REV3L: variants seen among roughly 807,000 people sequenced by gnomAD.
REV3L encodes the protein REV3 like, DNA directed polymerase zeta catalytic subunit.
A neutral mutation model predicts 299.4 loss-of-function variants in REV3L; 69 were observed. That is an observed-to-expected ratio of 0.23 (90% CI 0.19 to 0.28). The LOEUF is 0.28. Ranked by LOEUF, REV3L falls within the 10% of genes least tolerant of loss-of-function variation. The pLI is 1.00. For synonymous variants in REV3L, 1,238 were observed against 1,271.4 expected (o/e 0.97, Z 0.56); for missense variants, 3,128 against 3,693.8 (o/e 0.85, Z 3.97).
Position 111,416,339 on chromosome 6 carries a change from T to C in REV3L, c.273A>G (p.Leu91=). The change falls in exon 2 of 32, where the codon TTA becomes TTG. Residue 91 remains leucine, a synonymous_variant. Coordinates refer to ENST00000368802, the MANE Select transcript of REV3L (RefSeq NM_001372078.1). ...FSIDRALNVA[L]GNPSSTAQHV... ...GCTGAGCAGTGGAAGATGGATTGCC[T>C]AAAGCCACATTAAGTGCTCTGTCGA... 1 of 1,613,936 alleles carries C rather than the reference T, an allele frequency of 6.2e-7. No individual in the cohort carries two copies. Among genetic ancestry groups the C allele is most frequent in the Non-Finnish European group, 8.5e-7 (1 of 1,179,864 alleles).
Position 111,417,547 on chromosome 6 carries a change from C to G in REV3L, c.140-1075G>C, listed in dbSNP as rs527403075. Among the ~76,000 whole-genome samples the G allele has an allele frequency of 6.0e-4, 92 of 152,272 alleles. 1 individual carries two copies. Among genetic ancestry groups the G allele is most frequent in the Admixed American group, 4.5e-3 (69 of 15,292 alleles). On this transcript the variant is annotated intron_variant, in intron 1 of 31. Coordinates refer to ENST00000368802, the MANE Select transcript of REV3L (RefSeq NM_001372078.1). ...CTCAGGCTTCTTCCCCACCCCTTAT[C>G]CCTCCTCACTCTGCTTCACTGGGCC...
At chr6:111,453,881 G>C (rs1417591044) in intron 1 of REV3L, among the ~76,000 whole-genome samples, 1 of 152,140 alleles carries the variant, frequency 6.6e-6, no homozygotes, top group Non-Finnish European at 1.5e-5. Context: ...AGCTACCTGG[G>C]AGGCTGAGGC....
chr6:111,447,104 A>T (rs1392587871), intron 1 of REV3L, among the ~76,000 whole-genome samples: 1 of 152,168 alleles, frequency 6.6e-6, no homozygotes, highest in Non-Finnish European at 1.5e-5. Flanking sequence ...ACCATCCCAA[A>T]ATATATCAGT....
Position 111,374,748 on chromosome 6 carries a change from C to T in REV3L, c.3607G>A (p.Asp1203Asn), listed in dbSNP as rs72549220. Residue 1203 changes from aspartate (D) to asparagine (N), a missense_variant, in exon 13 of 32, where the codon GAT becomes AAT. Around this residue, in one of 9 missense-constraint regions of REV3L, gnomAD observed 2,409 missense variants for 2,611.8 expected, o/e 0.92. Transcript: ENST00000368802. ...KRNQTNKLVD[D>N]GKKKPRAKQK... The stretch of plus-strand genomic sequence containing the variant: ...TTTGCTCTTGGTTTCTTTTTTCCAT[C>T]ATCTACTAGTTTATTTGTCTGATTT... The T allele has an allele frequency of 1.9e-6, 3 of 1,612,492 alleles. No homozygotes were observed. The highest frequency in any genetic ancestry group is 4.5e-5 in the East Asian group (2 of 44,876).
chr6:111,409,085 T>C (rs777971101), intron 3 of REV3L, among the ~76,000 whole-genome samples: 15 of 152,364 alleles, frequency 9.8e-5, no homozygotes, highest in South Asian at 2.1e-4. Context: ...AAAAGAAACA[T>C]TGTTTTACAT....
chr6:111,314,166 C>CAGAA (rs2114738665), intron 27 of REV3L, among the ~76,000 whole-genome samples: 1 of 152,216 alleles, frequency 6.6e-6, no homozygotes, highest in Admixed American at 6.5e-5. Context: ...ATCTTTTATA[C>CAGAA]AGAAAGAAAG....
chr6:111,431,334 T>C, intron 1 of REV3L: 1 of 1,083,476 alleles, frequency 9.2e-7, no homozygotes, highest in Non-Finnish European at 1.4e-6. Flanking sequence ...ATTACAGAAG[T>C]AGAGCCACCA....
At chr6:111,455,792 A>G (rs1469303184) in intron 1 of REV3L, among the ~76,000 whole-genome samples, 1 of 152,240 alleles carries the variant, frequency 6.6e-6, no homozygotes, top group Non-Finnish European at 1.5e-5. Flanking sequence ...TGACAAAAAC[A>G]TATTAGGATA....
At position 111,367,784 on chromosome 6, in the gene REV3L, T is replaced by C. The variant is rs1346576979; in HGVS notation, c.6004A>G (p.Ser2002Gly). 3.1e-6 allele frequency: 5 copies of C among 1,614,176 alleles called. No homozygotes were observed. Among genetic ancestry groups the C allele is most frequent in the Non-Finnish European group, 4.2e-6 (5 of 1,180,014 alleles). ...IVIMPCKCAPSRQLVQVWLQA... is the reference protein window; with the variant it reads ...IVIMPCKCAPGRQLVQVWLQA... ...AGCCACACTTGAACCAGTTGTCGAC[T>C]TGGGGCACATTTGCAAGGCATAATC... The change falls in exon 14 of 32, where the codon AGT becomes GGT. Residue 2002 changes from serine to glycine, a missense_variant. This residue lies in a region of REV3L where 2,409 missense variants were observed against 2,611.8 expected (regional missense o/e 0.92). Transcript: ENST00000368802.
At chr6:111,483,523 G>A, upstream of REV3L, 1 of 518,250 alleles carries the variant, frequency 1.9e-6, no homozygotes, top group Non-Finnish European at 3.7e-6. Flanking sequence ...AGGGGCTTGC[G>A]GGAGGGGGGC....
Position 111,310,006 on chromosome 6 carries a change from G to C in REV3L, c.8889C>G (p.Ile2963Met). Residue 2963 changes from isoleucine (I) to methionine (M), a missense_variant, in exon 30 of 32, where the codon ATC becomes ATG. Ile to Met is a conservative substitution (Grantham distance 10, BLOSUM62 1). This residue lies in a region of REV3L where 294 missense variants were observed against 377.0 expected (regional missense o/e 0.78). Coordinates refer to ENST00000368802, the MANE Select transcript of REV3L (RefSeq NM_001372078.1). ...IIYGTPGVPL[I>M]QLVRRPVEVL... is the part of the protein sequence containing the mutation. ...CTTCCACTGGGCGCCTTACAAGCTG[G>C]ATAAGTGGTACTCCGGGGGTCCCAT... The C allele has an allele frequency of 6.2e-7, 1 of 1,613,780 alleles. No homozygotes were observed. The highest frequency in any genetic ancestry group is 8.5e-7 in the Non-Finnish European group (1 of 1,179,864).
At chr6:111,346,136 A>G (rs1468928685) in intron 20 of REV3L, among the ~76,000 whole-genome samples, 1 of 152,110 alleles carries the variant, frequency 6.6e-6, no homozygotes, top group Non-Finnish European at 1.5e-5. Flanking sequence ...GTCTGTTACT[A>G]TACTCTTACT....
At chr6:111,436,333 T>C (rs1015700678) in intron 1 of REV3L, among the ~76,000 whole-genome samples, 2 of 152,210 alleles carry the variant, frequency 1.3e-5, no homozygotes, top group Admixed American at 6.5e-5. Context: ...CCCATGTTTA[T>C]TGAAGCACTA....
chr6:111,372,513 A>C, intron 13 of REV3L, 83 bp downstream of exon 13: 1 of 1,099,162 alleles, frequency 9.1e-7, no homozygotes, highest in Non-Finnish European at 1.2e-6. Context: ...TGTTGCATAC[A>C]TTCTTTTTTT....
chr6:111,470,444 C>A (rs1298344695), intron 1 of REV3L, among the ~76,000 whole-genome samples: 1 of 152,154 alleles, frequency 6.6e-6, no homozygotes, highest in Non-Finnish European at 1.5e-5. Context: ...CTCATTTCCT[C>A]AACTGTAAAA....
At chr6:111,333,388 G>A in intron 22 of REV3L, 21 bp from the exon 23 acceptor site, 2 of 1,610,616 alleles carry the variant, frequency 1.2e-6, no homozygotes, top group Non-Finnish European at 1.7e-6. Context: ...AAAGGGAGGT[G>A]AGAAGAGAAG....
At chr6:111,323,092 G>A (rs947552884) in intron 25 of REV3L, among the ~76,000 whole-genome samples, 1 of 151,658 alleles carries the variant, frequency 6.6e-6, no homozygotes, top group Non-Finnish European at 1.5e-5. Flanking sequence ...GGGTTCAAGC[G>A]ATTCTCCTGC....
intron 15 of REV3L, among the ~76,000 whole-genome samples, 200 bp downstream of exon 15, chr6:111,365,065 T>G (rs1394715927): frequency 6.6e-6 from 1 of 151,716 alleles, no homozygotes; most frequent in Non-Finnish European, 1.5e-5. Flanking sequence ...TATTTACATA[T>G]AAGAATCTTT....
chr6:111,356,985 C>T (rs752830668), intron 18 of REV3L, 29 bp downstream of exon 18: 1 of 1,248,638 alleles, frequency 8.0e-7, no homozygotes, highest in Non-Finnish European at 1.1e-6. Context: ...CTGAATAAAA[C>T]TGGAAAAATC....
Sources: gnomAD v4.1 joint callset for allele counts (sites outside exome capture counted in the v4.1 genomes callset) on GRCh38, gnomAD v4.1.1 for gene constraint, gnomAD v4.1.1 regional missense constraint, MANE v1.5 for transcripts, NCBI Gene and HGNC (gene_info 2026-07-23, HGNC 2026-07-21) for gene names.